Variants in PCCA observed in about 807,000 individuals in gnomAD.
The protein encoded by PCCA is propionyl-CoA carboxylase subunit alpha.
In PCCA, 74 loss-of-function variants were observed where a neutral mutation model predicts 101.3. That is an observed-to-expected ratio of 0.73 (90% confidence interval 0.61 to 0.89). The LOEUF (loss-of-function observed/expected upper bound fraction) is 0.89. Among genes scored for constraint, PCCA ranks in the 40% least tolerant of loss-of-function variants. The pLI is 0.00. For synonymous variants in PCCA, 294 were observed against 313.6 expected, an observed-to-expected ratio of 0.94 and a Z score of 0.66; for missense variants, 891 against 907.0, an observed-to-expected ratio of 0.98 and a Z score of 0.23.
At chr13:100,529,818 G>A (rs1481569916) in intron 23 of PCCA, among the ~76,000 whole-genome samples, 6 of 152,178 alleles carry the variant, frequency 3.9e-5, no homozygotes, top group Non-Finnish European at 7.3e-5. Flanking sequence ...AGGCCACAGC[G>A]CAAATGCTCC....
chr13:100,337,580 T>A (rs1204086590), intron 17 of PCCA, among the ~76,000 whole-genome samples: 1 of 152,216 alleles, frequency 6.6e-6, no homozygotes, highest in Non-Finnish European at 1.5e-5. Flanking sequence ...ACCCCCCTTT[T>A]GAAGTGGAAT....
intron 14 of PCCA, among the ~76,000 whole-genome samples, chr13:100,306,023 C>T (rs2066416659): frequency 6.6e-6 from 1 of 152,184 alleles, no homozygotes; most frequent in Non-Finnish European, 1.5e-5. Context: ...GAAAATGAAA[C>T]TATCGCTTGT....
intron 4 of PCCA, among the ~76,000 whole-genome samples, chr13:100,137,905 G>A (rs1166620483): frequency 6.6e-6 from 1 of 151,724 alleles, no homozygotes; most frequent in Non-Finnish European, 1.5e-5. Context: ...AGCCTCCTGG[G>A]CCCAAGTGAT....
intron 6 of PCCA, among the ~76,000 whole-genome samples, chr13:100,189,009 G>A (rs1330003317): frequency 6.6e-6 from 1 of 151,942 alleles, no homozygotes; most frequent in Non-Finnish European, 1.5e-5. Context: ...GCTACATTAG[G>A]TATTTCTCGT....
chr13:100,258,316 A>T (rs2062214429), intron 9 of PCCA, among the ~76,000 whole-genome samples: 1 of 152,166 alleles, frequency 6.6e-6, no homozygotes, highest in Non-Finnish European at 1.5e-5. Context: ...TCACTTCTTC[A>T]TGAGAGCGTG....
chr13:100,469,211 C>CAAAAAAAAAAAAAAAAAAAAAAAAAAAA (rs534361898), intron 21 of PCCA, among the ~76,000 whole-genome samples: 18 of 64,998 alleles, frequency 2.8e-4, no homozygotes, highest in East Asian at 4.5e-4. Flanking sequence ...AACTCCGTCT[C>CAAAAAAAAAAAAAAAAAAAAAAAAAAAA]AAAAAAAAAA....
chr13:100,302,965 G>T lies in PCCA; in HGVS notation c.1251G>T (p.Leu417Phe), dbSNP rs374960990. 2 of 1,607,148 alleles carry T rather than the reference G, an allele frequency of 1.2e-6. No homozygotes were observed. Among genetic ancestry groups the T allele is most frequent in the Admixed American group, 1.7e-5 (1 of 59,982 alleles). Residue 417 changes from leucine to phenylalanine, a missense_variant, in exon 14 of 24, where the codon TTG becomes TTT. By Grantham distance (22) the Leu-to-Phe change is conservative. Coordinates refer to ENST00000376285, the MANE Select transcript of PCCA (RefSeq NM_000282.4). The stretch of plus-strand genomic sequence containing the variant: ...TTGGTTTACCATCTATTGGGAGATT[G>T]TCTCAGTACCAAGAACCGTTACATC... ...KSFGLPSIGR[L>F]SQYQEPLHLP...
Position 100,307,521 on chromosome 13 carries a change from A to G in PCCA, c.1353+261A>G, listed in dbSNP as rs908703535. On this transcript the variant is annotated intron_variant, in intron 15 of 23. Transcript: ENST00000376285. Reference sequence around the variant, plus strand: ...GAACAATAATAATAATAAACATCTAACCAGTGGTGCCAGCCTAACTCATTG... The same window carrying G: ...GAACAATAATAATAATAAACATCTAGCCAGTGGTGCCAGCCTAACTCATTG... Among the ~76,000 whole-genome samples, 4 of 152,146 alleles carry G rather than the reference A, an allele frequency of 2.6e-5. No homozygotes were observed. In the East Asian group the frequency reaches 5.8e-4, roughly 22 times the overall value.
chr13:100,401,814 T>A (rs2152855679), intron 19 of PCCA, among the ~76,000 whole-genome samples: 1 of 152,342 alleles, frequency 6.6e-6, no homozygotes, highest in South Asian at 2.1e-4. Flanking sequence ...TCACAAATAA[T>A]AGAATAGTCT....
intron 19 of PCCA, among the ~76,000 whole-genome samples, chr13:100,386,428 C>T (rs1264475030): frequency 1.3e-5 from 2 of 152,062 alleles, no homozygotes; most frequent in Non-Finnish European, 2.9e-5. Context: ...GGTTGGGGTG[C>T]TGGGGTGCAG....
At chr13:100,504,315 G>A (rs1191832849) in intron 21 of PCCA, among the ~76,000 whole-genome samples, 3 of 152,172 alleles carry the variant, frequency 2.0e-5, no homozygotes, top group South Asian at 2.1e-4. Context: ...GTTCCAAGTC[G>A]GGAGAATGTT....
Position 100,225,491 on chromosome 13 carries a change from G to C in PCCA, c.601-10351G>C, listed in dbSNP as rs185255186. Reference sequence around the variant, plus strand: ...TAGTAATTGTTTTTATCACCTAATTGGCCAGACTTTAAAAACTGTACTCTT... The same window carrying C: ...TAGTAATTGTTTTTATCACCTAATTCGCCAGACTTTAAAAACTGTACTCTT... On this transcript the variant is annotated intron_variant, in intron 7 of 23. Transcript: ENST00000376285. Among the ~76,000 whole-genome samples the C allele has an allele frequency of 2.2e-3, 338 of 152,222 alleles. 2 individuals are homozygous for C. The highest frequency in any genetic ancestry group is 5.2e-3 in the Admixed American group (80 of 15,306).
chr13:100,429,617 A>G (rs2079396464), intron 20 of PCCA, among the ~76,000 whole-genome samples: 1 of 151,890 alleles, frequency 6.6e-6, no homozygotes, highest in Non-Finnish European at 1.5e-5. Flanking sequence ...ATGTATTATT[A>G]TTATTTTGAG....
chr13:100,464,937 A>G (rs992078148), intron 21 of PCCA, among the ~76,000 whole-genome samples: 2 of 152,184 alleles, frequency 1.3e-5, no homozygotes, highest in African/African-American at 4.8e-5. Flanking sequence ...AAGGGATATC[A>G]TTTTAGGTAG....
At chr13:100,408,147 G>A (rs61495310) in intron 19 of PCCA, among the ~76,000 whole-genome samples, 4,712 of 152,250 alleles carry the variant, frequency 0.031, 245 homozygotes, top group African/African-American at 0.11. Flanking sequence ...GTGAGACTCC[G>A]TCTTAAACAA....
At chr13:100,410,043 A>T (rs1483708767) in intron 19 of PCCA, among the ~76,000 whole-genome samples, 2 of 152,112 alleles carry the variant, frequency 1.3e-5, no homozygotes, top group Non-Finnish European at 2.9e-5. Context: ...TACAGGCGTG[A>T]GCAACCATGC....
At position 100,120,669 on chromosome 13, in the gene PCCA, A is replaced by C. The variant is rs74872515; in HGVS notation, c.300+8608A>C. Among the ~76,000 whole-genome samples, 1,176 of 152,302 alleles carry C rather than the reference A, an allele frequency of 7.7e-3. 9 individuals are homozygous for C. Among genetic ancestry groups the C allele is most frequent in the Non-Finnish European group, 0.012 (810 of 68,020 alleles). ...ATAGGGAAGCAGTATAAAATACTCC[A>C]ATGGGAATTGGTCAGGGCAGGAGAA... On this transcript the variant is annotated intron_variant, in intron 4 of 23. Coordinates refer to ENST00000376285, the MANE Select transcript of PCCA (RefSeq NM_000282.4).
At chr13:100,487,711 TGC>T (rs2084500116) in intron 21 of PCCA, among the ~76,000 whole-genome samples, 1 of 152,070 alleles carries the variant, frequency 6.6e-6, no homozygotes, top group Non-Finnish European at 1.5e-5. Context: ...TAGGAAATGC[TGC>T]GATGGGACCT....
chr13:100,489,403 A>C (rs1281928232), intron 21 of PCCA, among the ~76,000 whole-genome samples: 1 of 152,250 alleles, frequency 6.6e-6, no homozygotes, highest in Admixed American at 6.5e-5. Flanking sequence ...CTGACAGTGT[A>C]ACATGCAAAA....
Sources: gnomAD v4.1 joint callset for allele counts (sites outside exome capture counted in the v4.1 genomes callset) on GRCh38, gnomAD v4.1.1 for gene constraint, MANE v1.5 for transcripts, NCBI Gene and HGNC (gene_info 2026-07-23, HGNC 2026-07-21) for gene names.